The following HOMER1 variants were observed in gnomAD, a reference collection of about 807,000 sequenced individuals.
The protein encoded by HOMER1 is homer scaffold protein 1.
A neutral mutation model predicts 48.9 loss-of-function variants in HOMER1; 3 were observed. That is an observed-to-expected ratio of 0.06 (90% CI 0.03 to 0.16). The LOEUF (loss-of-function observed/expected upper bound fraction) is 0.16, where lower values mean the gene tolerates loss of function less well. Ranked by LOEUF, HOMER1 falls within the 10% of genes least tolerant of loss-of-function variation. The probability of loss-of-function intolerance (pLI) is 1.00; values close to 1 mark genes in which losing one functional copy is unlikely to be tolerated. For synonymous variants in HOMER1, 134 were observed against 146.4 expected, an observed-to-expected ratio of 0.92 and a Z score of 0.61; for missense variants, 247 against 411.4, an observed-to-expected ratio of 0.60 and a Z score of 3.46.
At chr5:79,390,649 G>A (rs1749225303) in intron 8 of HOMER1, among the ~76,000 whole-genome samples, 1 of 152,022 alleles carries the variant, frequency 6.6e-6, no homozygotes, top group Non-Finnish European at 1.5e-5. Flanking sequence ...AGACACACAA[G>A]CAGCATTGAT....
In HOMER1 at chr5:79,398,676, C is replaced by T. The variant is rs571445621; in HGVS notation, c.685-1039G>A. Among the ~76,000 whole-genome samples the T allele has an allele frequency of 1.7e-3, 259 of 152,228 alleles. 1 individual carries two copies. The highest frequency in any genetic ancestry group is 2.9e-3 in the Non-Finnish European group (197 of 68,008). ...TGTGATTCCACCATTCAAAGACTTT[C>T]AGCAGCTCATCTTTTTTACGGTATC... On this transcript the variant is annotated intron_variant, in intron 6 of 8. Coordinates refer to ENST00000334082, the MANE Select transcript of HOMER1 (RefSeq NM_004272.5).
intron 4 of HOMER1, among the ~76,000 whole-genome samples, chr5:79,439,762 T>C (rs1051100224): frequency 6.6e-6 from 1 of 152,234 alleles, no homozygotes; most frequent in Non-Finnish European, 1.5e-5. Context: ...ATAGTGGGAT[T>C]ACTTTTCTTT....
At chr5:79,420,119 T>G (rs998244193) in intron 5 of HOMER1, among the ~76,000 whole-genome samples, 1 of 152,214 alleles carries the variant, frequency 6.6e-6, no homozygotes, top group African/African-American at 2.4e-5. Flanking sequence ...AAGCAATCAA[T>G]GTATTAAATG....
Position 79,468,424 on chromosome 5 carries a change from G to A in HOMER1, c.6-11406C>T, listed in dbSNP as rs191493421. Among the ~76,000 whole-genome samples the A allele has an allele frequency of 2.4e-4, 37 of 152,206 alleles. 1 individual carries two copies. Among genetic ancestry groups the A allele is most frequent in the Admixed American group, 2.1e-3 (32 of 15,302 alleles). Reference sequence around the variant, plus strand: ...TTAGTATTTTTTTAAAAAATGTAATGTATCTCCATGACTTTTACATTAATC... The same window carrying A: ...TTAGTATTTTTTTAAAAAATGTAATATATCTCCATGACTTTTACATTAATC... On this transcript the variant is annotated intron_variant, in intron 1 of 8. Coordinates refer to ENST00000334082, the MANE Select transcript of HOMER1 (RefSeq NM_004272.5).
chr5:79,410,114 T>C (rs77633070), intron 5 of HOMER1, among the ~76,000 whole-genome samples: 3,970 of 152,308 alleles, frequency 0.026, 69 homozygotes, highest in Non-Finnish European at 0.043. Context: ...ACATAGGTAT[T>C]ATAAATTTGA....
chr5:79,472,742 A>G (rs1255192698), intron 1 of HOMER1, among the ~76,000 whole-genome samples: 1 of 152,078 alleles, frequency 6.6e-6, no homozygotes, highest in Non-Finnish European at 1.5e-5. Flanking sequence ...CTGTGCCACT[A>G]TACTCCAGCC....
Position 79,375,886 on chromosome 5 carries a change from C to CT in HOMER1, c.*122dup. 1.9e-6 allele frequency: 1 copy of CT among 514,068 alleles called. No individual in the cohort carries two copies. Among genetic ancestry groups the CT allele is most frequent in the Non-Finnish European group, 3.2e-6 (1 of 314,454 alleles). 31.8% of individuals were successfully genotyped at this position (514,068 alleles called of 1,614,324 possible). A position where few individuals can be genotyped will look rare whatever the true frequency, so the allele number is the denominator to read the frequency against. The stretch of plus-strand genomic sequence containing the variant: ...ATTCCAATTTCAAAAGATCCTCCTC[C>CT]TGGAGGAGTGATATTCAATTTTTTT... On this transcript the variant is annotated 3_prime_UTR_variant, in exon 9 of 9. Coordinates refer to ENST00000334082, the MANE Select transcript of HOMER1 (RefSeq NM_004272.5).
At chr5:79,389,485 G>T (rs1031453010) in intron 8 of HOMER1, among the ~76,000 whole-genome samples, 8 of 152,286 alleles carry the variant, frequency 5.3e-5, no homozygotes, top group Non-Finnish European at 5.9e-5. Flanking sequence ...AAGAAGTGGA[G>T]CCTTTAAGAG....
chr5:79,460,120 G>T (rs1751278641), intron 1 of HOMER1, among the ~76,000 whole-genome samples: 1 of 152,128 alleles, frequency 6.6e-6, no homozygotes, highest in African/African-American at 2.4e-5. Context: ...TTCCCGAGTT[G>T]CTAGGATTAC....
intron 5 of HOMER1, among the ~76,000 whole-genome samples, chr5:79,403,774 G>C (rs1252762030): frequency 6.6e-6 from 1 of 152,006 alleles, no homozygotes; most frequent in Non-Finnish European, 1.5e-5. Flanking sequence ...AAGTGTATAC[G>C]GGCACTCTGT....
rs1215526722 is a variant in HOMER1 at position 79,513,606 on chromosome 5, A to G, written c.-832T>C. On this transcript the variant is annotated 5_prime_UTR_variant, in exon 1 of 9. Coordinates refer to ENST00000334082, the MANE Select transcript of HOMER1 (RefSeq NM_004272.5). ...TTCCCGCCCCCCGCCGCCGAGCACA[A>G]TGGAGCCCGGCTGGTGCCCGGCCCT... The G allele has an allele frequency of 4.0e-5, 6 of 151,658 alleles. No individual in the cohort carries two copies. Among genetic ancestry groups the G allele is most frequent in the South Asian group, 4.2e-4 (2 of 4,770 alleles). The allele number at this position is 151,658 out of a possible 1,614,324, so 9.4% of individuals were successfully genotyped here. A position where few individuals can be genotyped will look rare whatever the true frequency, so the allele number is the denominator to read the frequency against.
intron 5 of HOMER1, among the ~76,000 whole-genome samples, chr5:79,410,892 T>G (rs571764067): frequency 6.6e-6 from 1 of 152,198 alleles, no homozygotes; most frequent in Non-Finnish European, 1.5e-5. Context: ...TTCTTTTTTA[T>G]AGGTACAGTT....
chr5:79,416,873 T>C (rs964485593), intron 5 of HOMER1, among the ~76,000 whole-genome samples: 7 of 152,230 alleles, frequency 4.6e-5, no homozygotes, highest in African/African-American at 1.7e-4. Flanking sequence ...ACTAACTTCT[T>C]GCTCAGGGAT....
At chr5:79,422,237 A>T (rs1750122297) in intron 5 of HOMER1, among the ~76,000 whole-genome samples, 4 of 139,746 alleles carry the variant, frequency 2.9e-5, no homozygotes, top group Admixed American at 2.1e-4. Context: ...AAAAAAATTA[A>T]AAAAAAAAAA....
At chr5:79,486,889 G>A (rs934126795) in intron 1 of HOMER1, among the ~76,000 whole-genome samples, 6 of 152,168 alleles carry the variant, frequency 3.9e-5, no homozygotes, top group Admixed American at 1.3e-4. Context: ...GATCATTCTC[G>A]CTGCATACAG....
intron 4 of HOMER1, among the ~76,000 whole-genome samples, chr5:79,441,699 T>C (rs1750742245): frequency 6.6e-6 from 1 of 152,094 alleles, no homozygotes; most frequent in South Asian, 2.1e-4. Flanking sequence ...AAGTCAGTTT[T>C]AAAAATATAA....
intron 1 of HOMER1, among the ~76,000 whole-genome samples, chr5:79,490,952 A>G (rs878902765): frequency 1.3e-5 from 2 of 151,230 alleles, no homozygotes; most frequent in South Asian, 4.2e-4. Context: ...TAAATAGATA[A>G]ATAGATAAGT....
rs974800509 is a variant in HOMER1, at chr5:79,513,607, T to C, written c.-833A>G. On this transcript the variant is annotated 5_prime_UTR_variant, in exon 1 of 9. Coordinates refer to ENST00000334082, the MANE Select transcript of HOMER1 (RefSeq NM_004272.5). ...TCCCGCCCCCCGCCGCCGAGCACAA[T>C]GGAGCCCGGCTGGTGCCCGGCCCTT... 1.4e-5 allele frequency: 2 copies of C among 145,708 alleles called. No homozygotes were observed. The highest frequency in any genetic ancestry group is 2.5e-5 in the African/African-American group (1 of 39,864). 9.0% of individuals were successfully genotyped at this position (145,708 alleles called of 1,614,324 possible). A position where few individuals can be genotyped will look rare whatever the true frequency, so the allele number is the denominator to read the frequency against.
intron 4 of HOMER1, among the ~76,000 whole-genome samples, chr5:79,443,460 C>G (rs1411348997): frequency 2.6e-5 from 4 of 152,150 alleles, no homozygotes; most frequent in African/African-American, 4.8e-5. Context: ...GCAAGTCTTT[C>G]AGGGAATTCT....
Sources: allele counts gnomAD v4.1 joint callset (sites outside exome capture counted in the v4.1 genomes callset), GRCh38; gene constraint gnomAD v4.1.1; transcripts MANE v1.5; gene names NCBI Gene and HGNC (gene_info 2026-07-23, HGNC 2026-07-21).